ATOH8: variants seen among roughly 807,000 people sequenced by gnomAD.
ATOH8 encodes the protein atonal bHLH transcription factor 8, also known as transcription factor ATOH8.
ATOH8 carries 9 observed loss-of-function variants against 21.2 expected under a neutral mutation model. That is an observed-to-expected ratio of 0.42 (90% confidence interval 0.26 to 0.74). ATOH8 has a LOEUF of 0.74. Among genes scored for constraint, ATOH8 ranks in the 30% least tolerant of loss-of-function variants. ATOH8 has a pLI of 0.24. For missense variants in ATOH8, 524 were observed against 470.9 expected, an observed-to-expected ratio of 1.11 and a Z score of -1.04; for synonymous variants, 253 against 224.0, an observed-to-expected ratio of 1.13 and a Z score of -1.16.
At chr2:85,762,156 T>C (rs1313319186) in intron 1 of ATOH8, among the ~76,000 whole-genome samples, 1 of 152,162 alleles carries the variant, frequency 6.6e-6, no homozygotes, top group African/African-American at 2.4e-5. Context: ...AATGCACACA[T>C]CATCTCATTT....
intron 1 of ATOH8, 134 bp downstream of exon 1, chr2:85,755,091 C>A: frequency 8.3e-7 from 1 of 1,200,226 alleles, no homozygotes; most frequent in Non-Finnish European, 1.1e-6. Context: ...GGTGCCCAGA[C>A]AGGTGTGGGC....
chr2:85,786,156 C>T lies in ATOH8; in HGVS notation c.961-729C>T, dbSNP rs140309450. On this transcript the variant is annotated intron_variant, in intron 2 of 2. Coordinates refer to ENST00000306279, the MANE Select transcript of ATOH8 (RefSeq NM_032827.7). Reference sequence around the variant, plus strand: ...ACCCAGCAATTTTCGAACTGTGCTCCTTAGCACCCTGATTCTCAGACATGT... The same window carrying T: ...ACCCAGCAATTTTCGAACTGTGCTCTTTAGCACCCTGATTCTCAGACATGT... 3.1e-3 allele frequency among the ~76,000 whole-genome samples: 473 copies of T among 152,318 alleles called. 2 individuals are homozygous for T. Among genetic ancestry groups the T allele is most frequent in the African/African-American group, 0.011 (440 of 41,552 alleles).
chr2:85,779,588 C>T (rs1680428860), intron 2 of ATOH8, among the ~76,000 whole-genome samples: 1 of 152,200 alleles, frequency 6.6e-6, no homozygotes, highest in Non-Finnish European at 1.5e-5. Flanking sequence ...TTTCTTAGAA[C>T]CAAGGAGGTG....
Position 85,764,079 on chromosome 2 carries a change from C to T in ATOH8, c.857C>T (p.Ala286Val). Residue 286 changes from alanine to valine, a missense_variant, in exon 2 of 3, where the codon GCT (alanine) becomes GTT (valine). Coordinates refer to ENST00000306279, the MANE Select transcript of ATOH8 (RefSeq NM_032827.7). Reference sequence around the variant, plus strand: ...TACATCCTGTCCCTGGCGCGGCTGGCTGACCTTGACTACAGTGCCGACCAC... The same window carrying T: ...TACATCCTGTCCCTGGCGCGGCTGGTTGACCTTGACTACAGTGCCGACCAC... ...CNYILSLARL[A>V]DLDYSADHSN... 1.2e-6 allele frequency: 2 copies of T among 1,614,194 alleles called. No individual in the cohort carries two copies. Among genetic ancestry groups the T allele is most frequent in the Non-Finnish European group, 1.7e-6 (2 of 1,180,038 alleles).
At chr2:85,778,809 C>T (rs4832199) in intron 2 of ATOH8, among the ~76,000 whole-genome samples, 32,715 of 152,192 alleles carry the variant, frequency 0.21, 3,699 homozygotes, top group African/African-American at 0.24. Context: ...CCACCGTGGT[C>T]GGGGCATGTG....
Position 85,754,797 on chromosome 2 carries a change from A to T in ATOH8, c.608A>T (p.His203Leu), listed in dbSNP as rs1411560325. ...ATTTCACACGTAATTTACAATAACC[A>T]CCAGGATTCCTCCGCGTCGCCTAGG... The part of the protein sequence containing the change: ...SSISHVIYNN[H>L]QDSSASPRKR... The change falls in exon 1 of 3, where the codon CAC becomes CTC. Residue 203 changes from histidine (H) to leucine (L), a missense_variant. Physicochemically the swap from His to Leu is moderately conservative, Grantham distance 99. Transcript: ENST00000306279. 4.3e-6 allele frequency: 7 copies of T among 1,612,860 alleles called. 1 individual carries two copies. The highest frequency in any genetic ancestry group is 3.3e-4 in the Middle Eastern group (2 of 6,060).
At chr2:85,768,802 A>C (rs1680097639) in intron 2 of ATOH8, among the ~76,000 whole-genome samples, 1 of 152,104 alleles carries the variant, frequency 6.6e-6, no homozygotes, top group African/African-American at 2.4e-5. Context: ...TGGCCAGTGA[A>C]TCCTCCCCTT....
intron 1 of ATOH8, among the ~76,000 whole-genome samples, chr2:85,761,812 G>A (rs1679878886): frequency 6.6e-6 from 1 of 152,216 alleles, no homozygotes; most frequent in Non-Finnish European, 1.5e-5. Flanking sequence ...ATTTGTTCAG[G>A]TTGATAAAGC....
At chr2:85,770,618 T>C (rs1485130454) in intron 2 of ATOH8, among the ~76,000 whole-genome samples, 1 of 152,220 alleles carries the variant, frequency 6.6e-6, no homozygotes, top group East Asian at 1.9e-4. Context: ...AGGCCACAAG[T>C]CTGGCAGGGC....
chr2:85,780,762 A>G (rs1050791297), intron 2 of ATOH8, among the ~76,000 whole-genome samples: 1 of 152,260 alleles, frequency 6.6e-6, no homozygotes, highest in Non-Finnish European at 1.5e-5. Context: ...GGCTCTGGCC[A>G]TAACTGAAAC....
chr2:85,774,822 C>T (rs1680280778), intron 2 of ATOH8: 2 of 972,722 alleles, frequency 2.1e-6, no homozygotes, highest in Non-Finnish European at 2.4e-6. Context: ...CTCAAAGGGG[C>T]TATTTTTGGC....
At chr2:85,763,932 A>G (rs1679934607) in intron 1 of ATOH8, 59 bp from the exon 2 acceptor site, 3 of 1,551,430 alleles carry the variant, frequency 1.9e-6, no homozygotes, top group Non-Finnish European at 1.8e-6. Flanking sequence ...GCCGTCTCCC[A>G]TGCCTGCCAG....
chr2:85,777,301 T>G (rs1479027574), intron 2 of ATOH8, among the ~76,000 whole-genome samples: 6 of 152,160 alleles, frequency 3.9e-5, no homozygotes, highest in African/African-American at 1.4e-4. Context: ...CTCAGGCCCC[T>G]CAGATCTGAA....
intron 1 of ATOH8, among the ~76,000 whole-genome samples, chr2:85,756,161 G>T (rs1334165639): frequency 9.8e-6 from 1 of 101,574 alleles, no homozygotes; most frequent in Non-Finnish European, 1.9e-5. Context: ...TGGGCTTGGG[G>T]AAAGTGGTCA....
chr2:85,778,589 G>A (rs1455662055), intron 2 of ATOH8, among the ~76,000 whole-genome samples: 3 of 152,224 alleles, frequency 2.0e-5, no homozygotes, highest in South Asian at 2.1e-4. Flanking sequence ...GCCGGGCTCC[G>A]TCCTGGGAGT....
chr2:85,788,086 C>T lies in ATOH8; in HGVS notation c.*1196C>T, dbSNP rs1422196695. ...AGAAAATACTTGTGTTGAGTGGACT[C>T]TGTGGGTGACCAGGACTTTGGCCGG... is the stretch of plus-strand genomic sequence containing the variant. On this transcript the variant is annotated 3_prime_UTR_variant, in exon 3 of 3. Coordinates refer to ENST00000306279, the MANE Select transcript of ATOH8 (RefSeq NM_032827.7). 1 of 152,494 alleles carries T rather than the reference C, an allele frequency of 6.6e-6. No individual in the cohort carries two copies. Among genetic ancestry groups the T allele is most frequent in the Non-Finnish European group, 1.5e-5 (1 of 68,078 alleles). 9.4% of individuals were successfully genotyped at this position (152,494 alleles called of 1,614,324 possible).
chr2:85,764,378 C>T (rs1679950126), intron 2 of ATOH8, among the ~76,000 whole-genome samples, 196 bp downstream of exon 2: 1 of 152,178 alleles, frequency 6.6e-6, no homozygotes, highest in African/African-American at 2.4e-5. Flanking sequence ...CTTCTGGTAA[C>T]CGGCTGCTGG....
chr2:85,756,465 G>A (rs1301967088), intron 1 of ATOH8, among the ~76,000 whole-genome samples: 1 of 152,202 alleles, frequency 6.6e-6, no homozygotes, highest in Non-Finnish European at 1.5e-5. Context: ...CACGTGCCCA[G>A]AGCCTCATAG....
In ATOH8 at chr2:85,764,140, C is replaced by T. The variant is rs375639850; in HGVS notation, c.918C>T (p.Cys306=). ...NLSFSECVQR[C]TRTLQAEGRA... ...GCTTCTCCGAGTGTGTGCAGCGCTG[C>T]ACCCGCACCCTGCAGGCCGAGGGAC... The change falls in exon 2 of 3, where the codon TGC becomes TGT. Residue 306 remains cysteine (C), a synonymous_variant. Coordinates refer to ENST00000306279, the MANE Select transcript of ATOH8 (RefSeq NM_032827.7). 3 of 1,614,068 alleles carry T rather than the reference C, an allele frequency of 1.9e-6. No homozygotes were observed. Among genetic ancestry groups the T allele is most frequent in the Admixed American group, 3.3e-5 (2 of 60,016 alleles).
Sources: allele counts gnomAD v4.1 joint callset (sites outside exome capture counted in the v4.1 genomes callset), GRCh38; gene constraint gnomAD v4.1.1; transcripts MANE v1.5; gene names NCBI Gene and HGNC (gene_info 2026-07-23, HGNC 2026-07-21).